The following DCAF17 variants were observed in gnomAD, a reference collection of about 807,000 sequenced individuals.
DCAF17 encodes the protein DDB1 and CUL4 associated factor 17.
Under a neutral mutation model 66.0 loss-of-function variants are expected in DCAF17, and 48 were observed. That is an observed-to-expected ratio of 0.73 (90% CI 0.58 to 0.92). The LOEUF (loss-of-function observed/expected upper bound fraction) is 0.92. Ranked by LOEUF, DCAF17 falls within the 40% of genes least tolerant of loss-of-function variation. The pLI, the probability that DCAF17 is intolerant of heterozygous loss-of-function variation, is 0.00. For synonymous variants in DCAF17, 206 were observed against 214.6 expected (o/e 0.96, Z 0.35); for missense variants, 562 against 622.8 (o/e 0.90, Z 1.04).
At chr2:171,454,445 C>T (rs951420289) in intron 6 of DCAF17, among the ~76,000 whole-genome samples, 4 of 151,674 alleles carry the variant, frequency 2.6e-5, no homozygotes, top group Admixed American at 1.3e-4. Context: ...CCACCACACC[C>T]GGCTAATTTT....
At position 171,481,068 on chromosome 2, in the gene DCAF17, T is replaced by TA. The variant is rs1323277405; in HGVS notation, c.1518dup (p.Cys507MetfsTer2). On this transcript the variant is annotated frameshift_variant, in exon 14 of 14. Coordinates refer to ENST00000375255, the MANE Select transcript of DCAF17 (RefSeq NM_025000.4). LOFTEE classifies it high-confidence loss of function. Reference sequence around the variant, plus strand: ...TTCAGCTGCTATGTTTACCAGATGATATGTGACACTGGGGAAGAAGAAGAA... The same window carrying TA: ...TTCAGCTGCTATGTTTACCAGATGATAATGTGACACTGGGGAAGAAGAAGAA... The TA allele has an allele frequency of 2.5e-6, 4 of 1,613,662 alleles. No individual in the cohort carries two copies. The highest frequency in any genetic ancestry group is 3.4e-6 in the Non-Finnish European group (4 of 1,179,738).
rs1245044664 is a variant in DCAF17 at position 171,484,754 on chromosome 2, C to G, written c.*3640C>G. The G allele has an allele frequency of 2.2e-6, 1 of 454,036 alleles. No individual in the cohort carries two copies. The highest frequency in any genetic ancestry group is 1.6e-5 in the South Asian group (1 of 64,472). 28.1% of individuals were successfully genotyped at this position (454,036 alleles called of 1,614,324 possible). A position where few individuals can be genotyped will look rare whatever the true frequency, so the allele number is the denominator to read the frequency against. On this transcript the variant is annotated 3_prime_UTR_variant, in exon 14 of 14. Coordinates refer to ENST00000375255, the MANE Select transcript of DCAF17 (RefSeq NM_025000.4). ...ATCCCTCTCCCAGTCTATCCCCTCC[C>G]CACCCCTCAGGTATAACTACTGTTC...
chr2:171,455,891 C>T (rs1353418767), intron 6 of DCAF17, among the ~76,000 whole-genome samples: 1 of 151,252 alleles, frequency 6.6e-6, no homozygotes, highest in Non-Finnish European at 1.5e-5. Flanking sequence ...TGTTGAAGTT[C>T]CTTTTAGATT....
chr2:171,475,261 C>T (rs1207839193), intron 10 of DCAF17, among the ~76,000 whole-genome samples: 2 of 152,130 alleles, frequency 1.3e-5, no homozygotes, highest in African/African-American at 4.8e-5. Context: ...ATTTGCTTGC[C>T]CATCATATTT....
In DCAF17 at chr2:171,470,173, A is replaced by G. The variant is rs1696161136; in HGVS notation, c.981+1143A>G. Among the ~76,000 whole-genome samples, 2 of 152,002 alleles carry G rather than the reference A, an allele frequency of 1.3e-5. 1 individual carries two copies. The highest frequency in any genetic ancestry group is 1.3e-4 in the Admixed American group (2 of 15,252). ...TGAGCATCTGGGACTATAGGAGCGC[A>G]CCACCATGCCTGGCTACTTTTTTAT... On this transcript the variant is annotated intron_variant, in intron 9 of 13. Transcript: ENST00000375255.
At chr2:171,469,293 G>A (rs1318907381) in intron 9 of DCAF17, among the ~76,000 whole-genome samples, 2 of 152,082 alleles carry the variant, frequency 1.3e-5, no homozygotes, top group African/African-American at 2.4e-5. Context: ...TCCCAGCAAG[G>A]AATCTCATGT....
chr2:171,474,192 G>A (rs1696391048), intron 10 of DCAF17: 1 of 558,406 alleles, frequency 1.8e-6, no homozygotes, highest in Non-Finnish European at 3.2e-6. Context: ...GTTATTTGAT[G>A]GATGATATGC....
At chr2:171,436,153 C>G (rs1021281131) in intron 2 of DCAF17, among the ~76,000 whole-genome samples, 2 of 152,220 alleles carry the variant, frequency 1.3e-5, no homozygotes, top group African/African-American at 4.8e-5. Flanking sequence ...TCACATGCAT[C>G]AGAATTCCTT....
In DCAF17 at chr2:171,483,380, C is replaced by G. The variant is rs1254681061; in HGVS notation, c.*2266C>G. On this transcript the variant is annotated 3_prime_UTR_variant, in exon 14 of 14. Coordinates refer to ENST00000375255, the MANE Select transcript of DCAF17 (RefSeq NM_025000.4). ...TGCAAGCCCAGGTGAAGCAGGGTAGCTTCCATCAGCAGGTACAGACGTTAC... is the reference window on the plus strand; with the variant it reads ...TGCAAGCCCAGGTGAAGCAGGGTAGGTTCCATCAGCAGGTACAGACGTTAC... 2.2e-6 allele frequency: 1 copy of G among 454,136 alleles called. No individual in the cohort carries two copies. The highest frequency in any genetic ancestry group is 2.3e-5 in the Admixed American group (1 of 42,580). The allele number at this position is 454,136 out of a possible 1,614,324, so 28.1% of individuals were successfully genotyped here. A position where few individuals can be genotyped will look rare whatever the true frequency, so the allele number is the denominator to read the frequency against.
intron 12 of DCAF17, 120 bp from the exon 13 acceptor site, chr2:171,479,918 T>A (rs953852316): frequency 4.3e-5 from 48 of 1,105,216 alleles, no homozygotes; most frequent in Non-Finnish European, 6.1e-5. Context: ...TTCCCATTCA[T>A]TCATTCTTCT....
At chr2:171,464,159 T>G (rs1393044371) in intron 8 of DCAF17, among the ~76,000 whole-genome samples, 6 of 152,216 alleles carry the variant, frequency 3.9e-5, no homozygotes, top group Admixed American at 3.9e-4. Context: ...TACCTTTAAC[T>G]TTCCTATTTC....
rs997587973 is a variant in DCAF17, at chr2:171,454,971, C to CT, written c.627+1768dup. Among the ~76,000 whole-genome samples, 512 of 143,770 alleles carry CT rather than the reference C, an allele frequency of 3.6e-3. 5 individuals carry two copies. The highest frequency in any genetic ancestry group is 0.012 in the African/African-American group (480 of 39,296). The allele number at this position is 143,770 out of a possible 152,430, so 94.3% of individuals were successfully genotyped here. On this transcript the variant is annotated intron_variant, in intron 6 of 13. Transcript: ENST00000375255. ...TTTAAAGCTTTTCTTTATATATTTT[C>CT]TTTTTTTTTTAACTTCTAAGTTCAG...
At chr2:171,473,714 C>T in intron 9 of DCAF17, 152 bp from the exon 10 acceptor site, 4 of 664,564 alleles carry the variant, frequency 6.0e-6, no homozygotes, top group Non-Finnish European at 5.4e-6. Context: ...ATTTGCATGT[C>T]CTCATTTGGC....
At chr2:171,459,143 C>T (rs1695432720) in intron 8 of DCAF17, among the ~76,000 whole-genome samples, 1 of 151,970 alleles carries the variant, frequency 6.6e-6, no homozygotes. Context: ...AACCCCATCT[C>T]TACTAAAAAT....
chr2:171,469,183 A>G (rs1481682419), intron 9 of DCAF17, among the ~76,000 whole-genome samples, 153 bp downstream of exon 9: 2 of 152,258 alleles, frequency 1.3e-5, no homozygotes, highest in African/African-American at 2.4e-5. Flanking sequence ...TACAGACAAT[A>G]TAGAAAACAT....
chr2:171,458,112 A>G (rs551979370), intron 7 of DCAF17, 37 bp downstream of exon 7: 7 of 1,562,664 alleles, frequency 4.5e-6, no homozygotes, highest in South Asian at 2.2e-5. Context: ...TACTATTAGC[A>G]TGAGTTTTCG....
chr2:171,467,941 A>G (rs1470738744), intron 8 of DCAF17, among the ~76,000 whole-genome samples: 5 of 152,120 alleles, frequency 3.3e-5, no homozygotes, highest in Non-Finnish European at 7.4e-5. Flanking sequence ...TCTTCCTAAG[A>G]CAAGCCCCTT....
intron 1 of DCAF17, 132 bp from the exon 2 acceptor site, chr2:171,434,951 T>C: frequency 1.0e-6 from 1 of 994,510 alleles, no homozygotes; most frequent in South Asian, 1.6e-5. Flanking sequence ...AGCCAAAACA[T>C]GAGGGCAGAG....
rs1157657295 is a variant in DCAF17 at position 171,482,724 on chromosome 2, C to T, written c.*1610C>T. The T allele has an allele frequency of 2.2e-6, 1 of 452,204 alleles. No homozygotes were observed. Among genetic ancestry groups the T allele is most frequent in the South Asian group, 1.6e-5 (1 of 64,150 alleles). 28.0% of individuals were successfully genotyped at this position (452,204 alleles called of 1,614,324 possible). Reference sequence around the variant, plus strand: ...CCTTCTCCTTTAAGTCATCACCTTCCTTTTATGAAATGATAGTAAGGAACT... The same window carrying T: ...CCTTCTCCTTTAAGTCATCACCTTCTTTTTATGAAATGATAGTAAGGAACT... On this transcript the variant is annotated 3_prime_UTR_variant, in exon 14 of 14. Coordinates refer to ENST00000375255, the MANE Select transcript of DCAF17 (RefSeq NM_025000.4).
Sources: allele counts gnomAD v4.1 joint callset (sites outside exome capture counted in the v4.1 genomes callset), GRCh38; gene constraint gnomAD v4.1.1; transcripts MANE v1.5; gene names NCBI Gene and HGNC (gene_info 2026-07-23, HGNC 2026-07-21).